Variants in SLIT2 observed in about 807,000 individuals in gnomAD.
The protein encoded by SLIT2 is slit guidance ligand 2.
A neutral mutation model predicts 185.7 loss-of-function variants in SLIT2; 41 were observed. The ratio of observed to expected loss-of-function variants is 0.22; its 90% CI spans 0.17 to 0.29. SLIT2 has a LOEUF of 0.29. Among genes scored for constraint, SLIT2 ranks in the 10% least tolerant of loss-of-function variants. The pLI is 1.00. For missense variants in SLIT2, 1,571 were observed against 1,909.0 expected (o/e 0.82, Z 3.30); for synonymous variants, 693 against 680.2 (o/e 1.02, Z -0.29).
At chr4:20,573,549 T>C (rs1410706072) in intron 29 of SLIT2, among the ~76,000 whole-genome samples, 2 of 152,176 alleles carry the variant, frequency 1.3e-5, no homozygotes, top group Non-Finnish European at 2.9e-5. Context: ...TATAAATTTT[T>C]TTAATTTTCT....
chr4:20,424,872 TA>T (rs1728433533), intron 4 of SLIT2, among the ~76,000 whole-genome samples: 1 of 152,132 alleles, frequency 6.6e-6, no homozygotes, highest in South Asian at 2.1e-4. Flanking sequence ...ACTCAAATTT[TA>T]AAGTAACAAT....
chr4:20,439,066 G>T (rs564288405), intron 4 of SLIT2, among the ~76,000 whole-genome samples: 105 of 152,334 alleles, frequency 6.9e-4, no homozygotes, highest in African/African-American at 2.4e-3. Context: ...AAAAAATAGA[G>T]CAGGGCGTTG....
chr4:20,502,973 T>A (rs1215827125), intron 9 of SLIT2, among the ~76,000 whole-genome samples: 1 of 152,098 alleles, frequency 6.6e-6, no homozygotes, highest in Non-Finnish European at 1.5e-5. Context: ...CTAGTGCTCA[T>A]GCAGTTCATT....
chr4:20,562,188 T>C (rs569328996), intron 26 of SLIT2, among the ~76,000 whole-genome samples: 1 of 152,024 alleles, frequency 6.6e-6, no homozygotes, highest in East Asian at 1.9e-4. Context: ...GTATCTTCTA[T>C]CTTGCCAATT....
At chr4:20,317,175 C>G (rs537285581) in intron 4 of SLIT2, among the ~76,000 whole-genome samples, 1 of 151,960 alleles carries the variant, frequency 6.6e-6, no homozygotes, top group South Asian at 2.1e-4. Context: ...TATTAACATG[C>G]TACAATTCAT....
At chr4:20,296,872 A>G (rs575553703) in intron 4 of SLIT2, among the ~76,000 whole-genome samples, 14 of 152,338 alleles carry the variant, frequency 9.2e-5, no homozygotes, top group African/African-American at 2.2e-4. Context: ...TCTAACTTCA[A>G]ATGTTCTGTT....
chr4:20,594,295 A>G (rs1283144469), intron 30 of SLIT2, among the ~76,000 whole-genome samples: 1 of 151,220 alleles, frequency 6.6e-6, no homozygotes, highest in African/African-American at 2.4e-5. Context: ...ATGTGTGTAT[A>G]TATATATATG....
At chr4:20,434,906 A>C (rs1317975009) in intron 4 of SLIT2, among the ~76,000 whole-genome samples, 1 of 152,204 alleles carries the variant, frequency 6.6e-6, no homozygotes, top group African/African-American at 2.4e-5. Flanking sequence ...AACATATGGC[A>C]TATAGAATTA....
At chr4:20,280,936 G>C (rs374789996) in intron 4 of SLIT2, among the ~76,000 whole-genome samples, 4 of 151,456 alleles carry the variant, frequency 2.6e-5, no homozygotes, top group South Asian at 4.2e-4. Flanking sequence ...GGGTTCAAGC[G>C]ATTCTCCTAC....
At chr4:20,280,005 G>A (rs189704515) in intron 4 of SLIT2, among the ~76,000 whole-genome samples, 23 of 152,246 alleles carry the variant, frequency 1.5e-4, no homozygotes, top group African/African-American at 5.5e-4. Context: ...GATGATATAT[G>A]TTGAGGTGTG....
chr4:20,307,160 CTCCTTCCT>C (rs560265442), intron 4 of SLIT2, among the ~76,000 whole-genome samples: 3 of 24,290 alleles, frequency 1.2e-4, no homozygotes, highest in South Asian at 3.1e-3. Context: ...CCCTCCCTCC[CTCCTTCCT>C]TCCTTCCTTC....
chr4:20,550,828 T>A lies in SLIT2; in HGVS notation c.2491T>A (p.Ser831Thr), dbSNP rs1202828594. The change falls in exon 25 of 37, where the codon TCT becomes ACT. Residue 831 changes from serine to threonine, a missense_variant and splice_region_variant. By Grantham distance (58) the Ser-to-Thr change is moderately conservative (BLOSUM62 1). Transcript: ENST00000504154. ...FDGLKSLRLL[S>T]LHGNDISVVP... Reference sequence around the variant, plus strand: ...AATTTTTCTTTTTCTTTCTTTTAGTTCTCTACATGGAAATGACATTTCTGT... The same window carrying A: ...AATTTTTCTTTTTCTTTCTTTTAGTACTCTACATGGAAATGACATTTCTGT... 6.3e-7 allele frequency: 1 copy of A among 1,598,532 alleles called. No homozygotes were observed. Among genetic ancestry groups the A allele is most frequent in the African/African-American group, 1.3e-5 (1 of 74,546 alleles).
chr4:20,513,082 A>G (rs1280518841), intron 11 of SLIT2, among the ~76,000 whole-genome samples: 2 of 152,222 alleles, frequency 1.3e-5, no homozygotes, highest in Admixed American at 6.5e-5. Flanking sequence ...TTGCTAACAC[A>G]TGTAAAATAA....
At chr4:20,546,912 G>A (rs547553676) in intron 22 of SLIT2, among the ~76,000 whole-genome samples, 8 of 152,104 alleles carry the variant, frequency 5.3e-5, no homozygotes, top group Non-Finnish European at 7.4e-5. Flanking sequence ...AGAAAGTACC[G>A]TATCATTTGT....
chr4:20,325,276 A>G (rs2109180123), intron 4 of SLIT2, among the ~76,000 whole-genome samples: 1 of 151,980 alleles, frequency 6.6e-6, no homozygotes, highest in East Asian at 1.9e-4. Context: ...GAATACTCAG[A>G]AAAATGTTCT....
intron 4 of SLIT2, among the ~76,000 whole-genome samples, chr4:20,411,946 T>G (rs554276574): frequency 6.6e-6 from 1 of 152,306 alleles, no homozygotes; most frequent in South Asian, 2.1e-4. Context: ...GCTACCCTAC[T>G]GCAAATGGAG....
At chr4:20,573,836 G>A (rs1451743612) in intron 29 of SLIT2, among the ~76,000 whole-genome samples, 1 of 152,048 alleles carries the variant, frequency 6.6e-6, no homozygotes, top group Admixed American at 6.6e-5. Flanking sequence ...CTACTAGGTA[G>A]TATGTTTAAG....
At chr4:20,291,381 G>A (rs1283904388) in intron 4 of SLIT2, among the ~76,000 whole-genome samples, 4 of 145,852 alleles carry the variant, frequency 2.7e-5, no homozygotes, top group Middle Eastern at 3.8e-3. Context: ...CTGAGGAGGA[G>A]GAGAATGGGG....
Position 20,253,587 on chromosome 4 carries a change from G to A in SLIT2, c.-229G>A, listed in dbSNP as rs1722209300. The A allele has an allele frequency of 1.7e-6, 1 of 586,798 alleles. No homozygotes were observed. The highest frequency in any genetic ancestry group is 3.0e-5 in the Admixed American group (1 of 32,958). The allele number at this position is 586,798 out of a possible 1,614,324, so 36.3% of individuals were successfully genotyped here. On this transcript the variant is annotated 5_prime_UTR_variant, in exon 1 of 37. Transcript: ENST00000504154. ...GGCGGATTCATCCTCAGGACCTAAA[G>A]TTGCCCAAGGAGCTCCTGCTCTGCC... is the stretch of plus-strand genomic sequence containing the variant.
Sources: gnomAD v4.1 joint callset for allele counts (sites outside exome capture counted in the v4.1 genomes callset) on GRCh38, gnomAD v4.1.1 for gene constraint, MANE v1.5 for transcripts, NCBI Gene and HGNC (gene_info 2026-07-23, HGNC 2026-07-21) for gene names.